Variants in ATP8A2 observed in about 807,000 individuals in gnomAD.
ATP8A2 encodes ATPase phospholipid transporting 8A2.
A neutral mutation model predicts 165.6 loss-of-function variants in ATP8A2; 100 were observed. The observed-to-expected ratio is 0.60, with a 90% CI of 0.51 to 0.71. ATP8A2 has a LOEUF of 0.71. Among genes scored for constraint, ATP8A2 ranks in the 30% least tolerant of loss-of-function variants. The pLI is 0.00. For missense variants in ATP8A2, 1,227 were observed against 1,479.5 expected (o/e 0.83, Z 2.80); for synonymous variants, 543 against 548.8 (o/e 0.99, Z 0.15).
At chr13:25,671,717 C>G (rs1376696622) in intron 24 of ATP8A2, among the ~76,000 whole-genome samples, 2 of 152,152 alleles carry the variant, frequency 1.3e-5, no homozygotes, top group African/African-American at 4.8e-5. Flanking sequence ...AAGATGTTAT[C>G]AATGACAACG....
chr13:25,594,011 C>T (rs190284821), intron 24 of ATP8A2, among the ~76,000 whole-genome samples: 134 of 152,244 alleles, frequency 8.8e-4, no homozygotes, highest in African/African-American at 3.1e-3. Context: ...CAGCAAATTT[C>T]AAAATTATTC....
At chr13:25,543,434 T>C in intron 10 of ATP8A2, 32 bp downstream of exon 10, 1 of 1,401,958 alleles carries the variant, frequency 7.1e-7, no homozygotes, top group African/African-American at 1.4e-5. Context: ...TTCAGTCTTT[T>C]TTTTCTTTCT....
At chr13:25,905,372 G>A (rs762760771) in intron 33 of ATP8A2, among the ~76,000 whole-genome samples, 2 of 151,840 alleles carry the variant, frequency 1.3e-5, no homozygotes, top group African/African-American at 2.4e-5. Context: ...ACTTCTTAAC[G>A]GACACTGATT....
intron 33 of ATP8A2, among the ~76,000 whole-genome samples, chr13:25,954,739 G>T (rs1288429698): frequency 6.6e-6 from 1 of 152,198 alleles, no homozygotes; most frequent in East Asian, 1.9e-4. Flanking sequence ...AACTCCAGCA[G>T]ACCTGCAGCA....
At chr13:25,701,723 A>AAC (rs71077495) in intron 25 of ATP8A2, among the ~76,000 whole-genome samples, 12,227 of 140,390 alleles carry the variant, frequency 0.087, 609 homozygotes, top group Admixed American at 0.15. Flanking sequence ...TTGATACTAA[A>AAC]ACACACACAC....
intron 27 of ATP8A2, among the ~76,000 whole-genome samples, chr13:25,801,250 G>A (rs1950616103): frequency 6.6e-6 from 1 of 152,136 alleles, no homozygotes; most frequent in African/African-American, 2.4e-5. Flanking sequence ...GGAGCCCAGG[G>A]CATCTCTCTC....
intron 12 of ATP8A2, among the ~76,000 whole-genome samples, chr13:25,554,397 T>A (rs1050608344): frequency 6.6e-6 from 1 of 152,182 alleles, no homozygotes; most frequent in Non-Finnish European, 1.5e-5. Context: ...CACTTTGATG[T>A]GCATTTTTAT....
At chr13:25,616,552 G>T (rs1436234358) in intron 24 of ATP8A2, among the ~76,000 whole-genome samples, 2 of 151,720 alleles carry the variant, frequency 1.3e-5, no homozygotes, top group Non-Finnish European at 2.9e-5. Context: ...GGCTAGTCTC[G>T]AACTCCTGAC....
intron 1 of ATP8A2, among the ~76,000 whole-genome samples, chr13:25,374,327 T>G (rs981800812): frequency 6.6e-6 from 1 of 152,088 alleles, no homozygotes; most frequent in African/African-American, 2.4e-5. Context: ...AACATATCAT[T>G]GTGGGGAAGA....
At chr13:25,477,957 T>A (rs2036041575) in intron 2 of ATP8A2, among the ~76,000 whole-genome samples, 1 of 152,064 alleles carries the variant, frequency 6.6e-6, no homozygotes, top group African/African-American at 2.4e-5. Context: ...AAAAGTATAC[T>A]ATTTTCTCAA....
chr13:25,570,704 GT>G, intron 16 of ATP8A2, 62 bp from the exon 17 acceptor site: 1 of 1,294,008 alleles, frequency 7.7e-7, no homozygotes, highest in Non-Finnish European at 1.1e-6. Flanking sequence ...GGATCTGCTT[GT>G]GTGAGCCCTG....
intron 28 of ATP8A2, among the ~76,000 whole-genome samples, chr13:25,828,469 A>G (rs942040335): frequency 6.6e-6 from 1 of 152,202 alleles, no homozygotes. Flanking sequence ...CCCTTACTAC[A>G]TGCCTGTGCA....
intron 6 of ATP8A2, among the ~76,000 whole-genome samples, chr13:25,534,017 A>G (rs577875559): frequency 1.3e-5 from 2 of 152,352 alleles, no homozygotes; most frequent in African/African-American, 4.8e-5. Flanking sequence ...TCAAAAGAAA[A>G]CAGCTTTTTA....
At chr13:25,638,046 C>T (rs1250007100) in intron 24 of ATP8A2, among the ~76,000 whole-genome samples, 1 of 152,176 alleles carries the variant, frequency 6.6e-6, no homozygotes, top group African/African-American at 2.4e-5. Context: ...AGCTGAGGGT[C>T]CTGACTGTTA....
chr13:25,798,783 C>T (rs1950550210), intron 27 of ATP8A2, among the ~76,000 whole-genome samples: 1 of 152,210 alleles, frequency 6.6e-6, no homozygotes, highest in African/African-American at 2.4e-5. Flanking sequence ...TTGACCTCTG[C>T]AGGTAGTAGT....
intron 27 of ATP8A2, among the ~76,000 whole-genome samples, chr13:25,795,244 C>T (rs1474222702): frequency 6.6e-6 from 1 of 152,124 alleles, no homozygotes; most frequent in African/African-American, 2.4e-5. Flanking sequence ...TTTCACTCGG[C>T]TGTCAGAGCT....
At chr13:25,639,699 C>T (rs1350103851) in intron 24 of ATP8A2, among the ~76,000 whole-genome samples, 1 of 152,090 alleles carries the variant, frequency 6.6e-6, no homozygotes, top group Non-Finnish European at 1.5e-5. Flanking sequence ...ATCAATGAGA[C>T]AGAAAGTTAA....
chr13:25,642,972 C>T (rs923356560), intron 24 of ATP8A2, among the ~76,000 whole-genome samples: 14 of 152,030 alleles, frequency 9.2e-5, no homozygotes, highest in Non-Finnish European at 1.8e-4. Context: ...GACAAAAAAC[C>T]AAACACTGCA....
In ATP8A2 at chr13:25,559,048, G is replaced by T; in HGVS notation, c.1339G>T (p.Gly447Ter). 6.2e-7 allele frequency: 1 copy of T among 1,608,092 alleles called. No homozygotes were observed. The highest frequency in any genetic ancestry group is 1.1e-5 in the South Asian group (1 of 90,540). The change falls in exon 14 of 37, where the codon GGA becomes TGA. Residue 447 changes from glycine (G) to a stop codon, truncating the protein, a stop_gained. Coordinates refer to ENST00000381655, the MANE Select transcript of ATP8A2 (RefSeq NM_016529.6). LOFTEE classifies it high-confidence loss of function. ...GAACTTTAAGAAGTGCAGCATTGCC[G>T]GAGTAACCTATGGGTCAGTGTGTTT... ...IMNFKKCSIAGVTYGHFPELA... is the reference protein window; with the variant it reads ...IMNFKKCSIA
Sources: gnomAD v4.1 joint callset for allele counts (sites outside exome capture counted in the v4.1 genomes callset) on GRCh38, gnomAD v4.1.1 for gene constraint, MANE v1.5 for transcripts, NCBI Gene and HGNC (gene_info 2026-07-23, HGNC 2026-07-21) for gene names.